Variants in GPN1 observed in about 807,000 individuals in gnomAD.
GPN1 encodes ATP(GTP)-binding protein.
In GPN1, 44 loss-of-function variants were observed where a neutral mutation model predicts 55.9. That is an observed-to-expected ratio of 0.79 (90% CI 0.62 to 1.01). The LOEUF (loss-of-function observed/expected upper bound fraction) is 1.01, where lower values mean the gene tolerates loss of function less well. Among genes scored for constraint, GPN1 ranks in the 50% least tolerant of loss-of-function variants. GPN1 has a pLI of 0.00. For synonymous variants in GPN1, 179 were observed against 162.5 expected, an observed-to-expected ratio of 1.10 and a Z score of -0.77; for missense variants, 466 against 462.8, an observed-to-expected ratio of 1.01 and a Z score of -0.06.
chr2:27,635,287 T>C, intron 7 of GPN1, 53 bp downstream of exon 7: 1 of 753,062 alleles, frequency 1.3e-6, no homozygotes, highest in Non-Finnish European at 2.2e-6. Context: ...GGCCTTTTTC[T>C]CTTCTTCTTC....
chr2:27,648,232 T>C (rs1674339444), intron 13 of GPN1, among the ~76,000 whole-genome samples: 1 of 152,092 alleles, frequency 6.6e-6, no homozygotes, highest in Non-Finnish European at 1.5e-5. Context: ...TTTAAGAATA[T>C]GTAAGGGCTG....
intron 13 of GPN1, among the ~76,000 whole-genome samples, chr2:27,649,272 A>G (rs1674397520): frequency 6.6e-6 from 1 of 151,746 alleles, no homozygotes; most frequent in South Asian, 2.1e-4. Context: ...AACAAACAAA[A>G]AAACACGAAA....
intron 10 of GPN1, 151 bp downstream of exon 10, chr2:27,640,276 G>T: frequency 1.5e-6 from 1 of 656,298 alleles, no homozygotes; most frequent in Non-Finnish European, 2.7e-6. Context: ...ACACTTAGGG[G>T]TGACAAGTTC....
At chr2:27,648,075 C>G in intron 13 of GPN1, 132 bp downstream of exon 13, 2 of 631,886 alleles carry the variant, frequency 3.2e-6, no homozygotes, top group Non-Finnish European at 5.7e-6. Context: ...AAAAGAGTTT[C>G]CTATATTGAG....
At position 27,631,906 on chromosome 2, in the gene GPN1, T is replaced by C. The variant is rs1673569203; in HGVS notation, c.312+6T>C. The stretch of plus-strand genomic sequence containing the variant: ...TTGCTACCAGATTTGATCAGGTATA[T>C]CTGTCTTTAGTATATTAATATGGTT... On this transcript the variant is annotated splice_donor_region_variant and intron_variant, in intron 4 of 13. Coordinates refer to ENST00000610189, the MANE Select transcript of GPN1 (RefSeq NM_007266.4). 1 of 1,500,994 alleles carries C rather than the reference T, an allele frequency of 6.7e-7. No homozygotes were observed. The highest frequency in any genetic ancestry group is 1.4e-5 in the African/African-American group (1 of 72,864). The allele number at this position is 1,500,994 out of a possible 1,614,324, so 93.0% of individuals were successfully genotyped here. A position where few individuals can be genotyped will look rare whatever the true frequency, so the allele number is the denominator to read the frequency against.
intron 3 of GPN1, 158 bp from the exon 4 acceptor site, chr2:27,631,676 T>C: frequency 1.6e-6 from 1 of 637,016 alleles, no homozygotes; most frequent in Non-Finnish European, 2.8e-6. Context: ...AATGACTGTT[T>C]CCCTGTGTGG....
chr2:27,636,944 A>G (rs1387762386), intron 7 of GPN1, among the ~76,000 whole-genome samples: 3 of 152,130 alleles, frequency 2.0e-5, no homozygotes, highest in Non-Finnish European at 4.4e-5. Flanking sequence ...TGGCCTCCCA[A>G]AGTGCTCAGA....
At position 27,643,066 on chromosome 2, in the gene GPN1, AC is replaced by A. The variant is rs1383548375; in HGVS notation, c.931+549del. Among the ~76,000 whole-genome samples the A allele has an allele frequency of 2.6e-5, 4 of 151,060 alleles. No homozygotes were observed. Among genetic ancestry groups the A allele is most frequent in the Admixed American group, 6.6e-5 (1 of 15,124 alleles). On this transcript the variant is annotated intron_variant, in intron 12 of 13. Transcript: ENST00000610189. This position sits in a 1 kb window ranked among gnomAD's most constrained non-coding sequence, Gnocchi z 4.0. ...CAAATTTGAAATTATATACAGCTCT[AC>A]CACTTTGGGTTCCTCTTTCAGGAAG...
chr2:27,650,004 G>A (rs1674447810), intron 13 of GPN1, 111 bp from the exon 14 acceptor site: 1 of 655,600 alleles, frequency 1.5e-6, no homozygotes. Flanking sequence ...AGGGAAGTGA[G>A]TACTTAAGTT....
chr2:27,629,657 G>T (rs1171551469), intron 1 of GPN1, among the ~76,000 whole-genome samples: 4 of 152,164 alleles, frequency 2.6e-5, no homozygotes, highest in African/African-American at 9.6e-5. Flanking sequence ...AAGTGACTAC[G>T]AGTAGGGGAA....
chr2:27,628,687 C>T (rs1247517149), upstream of GPN1: 8 of 1,551,662 alleles, frequency 5.2e-6, no homozygotes, highest in Non-Finnish European at 1.7e-6. Flanking sequence ...GGCTCCGCTC[C>T]CCGTTCTCTG....
At chr2:27,632,791 G>A in intron 5 of GPN1, 121 bp downstream of exon 5, 2 of 686,068 alleles carry the variant, frequency 2.9e-6, no homozygotes, top group Non-Finnish European at 5.1e-6. Context: ...ACCATTAGGA[G>A]TGAAAAAAAA....
upstream of GPN1, chr2:27,628,439 G>C (rs1673376459): frequency 4.5e-6 from 7 of 1,551,478 alleles, no homozygotes; most frequent in Non-Finnish European, 6.1e-6. Flanking sequence ...CAACTGTGTA[G>C]TTCACTGAGG....
At chr2:27,641,734 C>T (rs1558490218) in intron 11 of GPN1, among the ~76,000 whole-genome samples, 1 of 152,146 alleles carries the variant, frequency 6.6e-6, no homozygotes, top group Non-Finnish European at 1.5e-5. Context: ...GCTAGGACAA[C>T]ATGTATGTAC....
Position 27,650,336 on chromosome 2 carries a change from G to A in GPN1, c.*136G>A. On this transcript the variant is annotated 3_prime_UTR_variant, in exon 14 of 14. Transcript: ENST00000610189. ...CAGAGTAGCAAAGTTTCTCTTATTAGAGAAATCTTGTGACTCAGATGAAGT... is the reference window on the plus strand; with the variant it reads ...CAGAGTAGCAAAGTTTCTCTTATTAAAGAAATCTTGTGACTCAGATGAAGT... 2 of 535,594 alleles carry A rather than the reference G, an allele frequency of 3.7e-6. No homozygotes were observed. Among genetic ancestry groups the A allele is most frequent in the Non-Finnish European group, 6.7e-6 (2 of 297,132 alleles). The allele number at this position is 535,594 out of a possible 1,614,324, so 33.2% of individuals were successfully genotyped here.
intron 4 of GPN1, 46 bp from the exon 5 acceptor site, chr2:27,632,587 T>A: frequency 7.2e-7 from 1 of 1,382,024 alleles, no homozygotes; most frequent in Non-Finnish European, 1.0e-6. Flanking sequence ...TCTGTGATTT[T>A]GTGTTGAAAT....
chr2:27,631,034 T>C lies in GPN1; in HGVS notation c.213T>C (p.Arg71=), dbSNP rs1408273609. 7.4e-7 allele frequency: 1 copy of C among 1,354,550 alleles called. No individual in the cohort carries two copies. The highest frequency in any genetic ancestry group is 1.1e-6 in the Non-Finnish European group (1 of 945,846). The allele number at this position is 1,354,550 out of a possible 1,614,324, so 83.9% of individuals were successfully genotyped here. A position where few individuals can be genotyped will look rare whatever the true frequency, so the allele number is the denominator to read the frequency against. Residue 71 remains arginine (R), a synonymous_variant, in exon 3 of 14, where the codon CGT becomes CGC. Transcript: ENST00000610189. ...EVPFPANIDI[R]DTVKYKEVMK... is the part of the protein sequence containing the mutation. The stretch of plus-strand genomic sequence containing the variant: ...TCTTTTTTTTCTCCTCAGATATTCG[T>C]GATACTGTAAAGTATAAAGAAGTAA...
At chr2:27,642,677 C>T (rs1401049773) in intron 12 of GPN1, among the ~76,000 whole-genome samples, 158 bp downstream of exon 12, 8 of 152,124 alleles carry the variant, frequency 5.3e-5, no homozygotes, top group Non-Finnish European at 8.8e-5. Flanking sequence ...AGTTCTCCTG[C>T]CTCAGCCTTC....
chr2:27,636,020 G>C (rs981136259), intron 7 of GPN1, among the ~76,000 whole-genome samples: 1 of 152,160 alleles, frequency 6.6e-6, no homozygotes, highest in Non-Finnish European at 1.5e-5. Context: ...TTTGAGACCA[G>C]CCTGGGCACC....
Sources: allele counts gnomAD v4.1 joint callset (sites outside exome capture counted in the v4.1 genomes callset), GRCh38; gene constraint gnomAD v4.1.1; non-coding constraint Gnocchi (gnomAD v3.1); transcripts MANE v1.5; gene names NCBI Gene and HGNC (gene_info 2026-07-23, HGNC 2026-07-21).